The following KCNQ5 variants were observed in gnomAD, a reference collection of about 807,000 sequenced individuals.
KCNQ5 encodes the protein potassium voltage-gated channel subfamily KQT member 5.
A neutral mutation model predicts 98.2 loss-of-function variants in KCNQ5; 30 were observed. The ratio of observed to expected loss-of-function variants is 0.31; its 90% CI spans 0.23 to 0.41. The LOEUF is 0.41. Ranked by LOEUF, KCNQ5 falls within the 10% of genes least tolerant of loss-of-function variation. The pLI, the probability that KCNQ5 is intolerant of heterozygous loss-of-function variation, is 1.00. For synonymous variants in KCNQ5, 458 were observed against 449.4 expected (o/e 1.02, Z -0.24); for missense variants, 835 against 1,182.5 (o/e 0.71, Z 4.31).
rs148061960 is a variant in KCNQ5, at chr6:72,829,755, G to A, written c.399-174153G>A. The stretch of plus-strand genomic sequence containing the variant: ...GGAGGAGGTGGCAAGCATACAAAAG[G>A]TGGAATGAATAGATGTTTGAGACAA... On this transcript the variant is annotated intron_variant, in intron 1 of 13. Coordinates refer to ENST00000370398, the MANE Select transcript of KCNQ5 (RefSeq NM_019842.4). Among the ~76,000 whole-genome samples, 190 of 152,264 alleles carry A rather than the reference G, an allele frequency of 1.2e-3. 1 individual carries two copies. Among genetic ancestry groups the A allele is most frequent in the African/African-American group, 4.4e-3 (185 of 41,574 alleles).
chr6:72,938,536 C>G lies in KCNQ5; in HGVS notation c.399-65372C>G, dbSNP rs547835462. On this transcript the variant is annotated intron_variant, in intron 1 of 13. Coordinates refer to ENST00000370398, the MANE Select transcript of KCNQ5 (RefSeq NM_019842.4). ...CTGAGACTACAGGCATGCACCACCA[C>G]ACCCGGCTAATTCTTGTATTTTTTT... Among the ~76,000 whole-genome samples the G allele has an allele frequency of 2.6e-4, 29 of 112,364 alleles. No individual in the cohort carries two copies. In the East Asian group the frequency reaches 5.9e-3, roughly 23 times the overall value. 73.7% of individuals were successfully genotyped at this position (112,364 alleles called of 152,430 possible).
chr6:72,718,343 C>T (rs1769758540), intron 1 of KCNQ5, among the ~76,000 whole-genome samples: 1 of 151,984 alleles, frequency 6.6e-6, no homozygotes, highest in Non-Finnish European at 1.5e-5. Flanking sequence ...CAGTTTTCCA[C>T]CTGCAGTTGG....
rs75625233 is a variant in KCNQ5, at chr6:72,937,136, T to C, written c.399-66772T>C. ...AAAGTAAAATTTTATTGTAGTAATTTACAAATAATGCTCTATAAAAAGGAA... is the reference window on the plus strand; with the variant it reads ...AAAGTAAAATTTTATTGTAGTAATTCACAAATAATGCTCTATAAAAAGGAA... On this transcript the variant is annotated intron_variant, in intron 1 of 13. Transcript: ENST00000370398. 3.3e-5 allele frequency among the ~76,000 whole-genome samples: 5 copies of C among 152,318 alleles called. No homozygotes were observed. The East Asian group carries it at 9.6e-4, about 29-fold the overall frequency.
chr6:72,955,356 G>A (rs748923047), intron 1 of KCNQ5, among the ~76,000 whole-genome samples: 4 of 152,108 alleles, frequency 2.6e-5, no homozygotes, highest in Non-Finnish European at 5.9e-5. Context: ...TAAAGTTAAT[G>A]CAAAAAGTCA....
At chr6:73,189,838 G>A (rs1250645720) in intron 11 of KCNQ5, among the ~76,000 whole-genome samples, 1 of 152,030 alleles carries the variant, frequency 6.6e-6, no homozygotes, top group Non-Finnish European at 1.5e-5. Context: ...AGAGGTCCCT[G>A]GTTCTGAAAA....
chr6:72,839,226 T>C (rs1776676670), intron 1 of KCNQ5, among the ~76,000 whole-genome samples: 1 of 152,224 alleles, frequency 6.6e-6, no homozygotes, highest in Non-Finnish European at 1.5e-5. Context: ...CAGATACTAC[T>C]TCCATTTGCT....
At chr6:72,793,099 G>A (rs1774145290) in intron 1 of KCNQ5, among the ~76,000 whole-genome samples, 1 of 152,120 alleles carries the variant, frequency 6.6e-6, no homozygotes, top group Non-Finnish European at 1.5e-5. Flanking sequence ...CAGTGCGTAG[G>A]GCATTTGCAC....
intron 11 of KCNQ5, among the ~76,000 whole-genome samples, chr6:73,175,580 G>C (rs902793843): frequency 2.0e-5 from 3 of 152,212 alleles, no homozygotes; most frequent in Non-Finnish European, 4.4e-5. Context: ...ACAGGATAAT[G>C]AAAGGGAGAA....
intron 1 of KCNQ5, among the ~76,000 whole-genome samples, chr6:72,660,074 A>G (rs1179064376): frequency 6.6e-6 from 1 of 152,184 alleles, no homozygotes; most frequent in Non-Finnish European, 1.5e-5. Context: ...GCCAGGTCAT[A>G]TATTTCCTCT....
At chr6:72,818,887 T>C (rs987368354) in intron 1 of KCNQ5, among the ~76,000 whole-genome samples, 8 of 151,664 alleles carry the variant, frequency 5.3e-5, no homozygotes, top group African/African-American at 1.9e-4. Context: ...CAAGATAAAA[T>C]TGGCATTGTT....
intron 1 of KCNQ5, among the ~76,000 whole-genome samples, chr6:72,888,336 A>G (rs1778928229): frequency 6.6e-6 from 1 of 152,308 alleles, no homozygotes; most frequent in South Asian, 2.1e-4. Context: ...AAAAGCAGAG[A>G]ACATAGCATT....
chr6:73,092,408 G>C (rs1214790977), intron 5 of KCNQ5, among the ~76,000 whole-genome samples: 7 of 152,076 alleles, frequency 4.6e-5, no homozygotes, highest in Non-Finnish European at 1.0e-4. Context: ...AGGACTTCCA[G>C]TATTATGATG....
At chr6:73,087,164 A>G (rs943550323) in intron 5 of KCNQ5, among the ~76,000 whole-genome samples, 19 of 152,366 alleles carry the variant, frequency 1.2e-4, no homozygotes, top group African/African-American at 4.1e-4. Flanking sequence ...AGAGGAAAGC[A>G]AAAGCAAAAG....
chr6:73,148,452 A>C (rs576513984), intron 10 of KCNQ5, among the ~76,000 whole-genome samples: 1 of 152,346 alleles, frequency 6.6e-6, no homozygotes, highest in South Asian at 2.1e-4. Flanking sequence ...AATGTTGCTA[A>C]TTAGCAAGCC....
intron 1 of KCNQ5, among the ~76,000 whole-genome samples, chr6:72,794,432 GA>G (rs1051178191): frequency 6.6e-6 from 1 of 152,056 alleles, no homozygotes; most frequent in East Asian, 1.9e-4. Context: ...TATGAAAAAT[GA>G]AATGTGTCAG....
chr6:72,795,432 CAT>C (rs1774277983), intron 1 of KCNQ5, among the ~76,000 whole-genome samples: 1 of 152,096 alleles, frequency 6.6e-6, no homozygotes, highest in Non-Finnish European at 1.5e-5. Context: ...ATTATAGTAA[CAT>C]AAATTTTAAT....
chr6:73,175,213 C>T (rs566823585), intron 11 of KCNQ5, among the ~76,000 whole-genome samples: 253 of 152,008 alleles, frequency 1.7e-3, no homozygotes, highest in African/African-American at 6.0e-3. Context: ...TGCAACGGCG[C>T]GATCTTGGCT....
At chr6:72,987,051 T>C in intron 1 of KCNQ5, 1 of 726,956 alleles carries the variant, frequency 1.4e-6, no homozygotes, top group Non-Finnish European at 2.4e-6. Flanking sequence ...GCCCTTCAGG[T>C]CCATGGAGAG....
intron 1 of KCNQ5, among the ~76,000 whole-genome samples, chr6:72,791,021 A>C (rs1774008012): frequency 6.6e-6 from 1 of 152,212 alleles, no homozygotes; most frequent in Non-Finnish European, 1.5e-5. Flanking sequence ...ATAAGTCAAT[A>C]AACAAGATCA....
Sources: gnomAD v4.1 joint callset for allele counts (sites outside exome capture counted in the v4.1 genomes callset) on GRCh38, gnomAD v4.1.1 for gene constraint, MANE v1.5 for transcripts, NCBI Gene and HGNC (gene_info 2026-07-23, HGNC 2026-07-21) for gene names.